DPYD: variants seen among roughly 807,000 people sequenced by gnomAD.
DPYD encodes dihydropyrimidine dehydrogenase.
DPYD carries 109 observed loss-of-function variants against 116.2 expected under a neutral mutation model. The ratio of observed to expected loss-of-function variants is 0.94; its 90% CI spans 0.80 to 1.10. DPYD has a LOEUF of 1.10. Ranked by LOEUF, DPYD falls within the 50% of genes least tolerant of loss-of-function variation. The pLI is 0.00. For synonymous variants in DPYD, 440 were observed against 432.0 expected, an observed-to-expected ratio of 1.02 and a Z score of -0.23; for missense variants, 1,302 against 1,254.5, an observed-to-expected ratio of 1.04 and a Z score of -0.57.
chr1:97,539,833 T>A (rs1363874628), intron 12 of DPYD, among the ~76,000 whole-genome samples: 2 of 152,150 alleles, frequency 1.3e-5, no homozygotes, highest in Non-Finnish European at 2.9e-5. Flanking sequence ...TTGTGTTCTA[T>A]CTCCAAGTTT....
At chr1:97,695,649 T>C (rs1557888714) in intron 6 of DPYD, among the ~76,000 whole-genome samples, 1 of 151,658 alleles carries the variant, frequency 6.6e-6, no homozygotes, top group Non-Finnish European at 1.5e-5. Context: ...AAAATACAGG[T>C]AGGTATCAGG....
In DPYD at chr1:97,920,829, G is replaced by A. The variant is rs1180147840; in HGVS notation, c.39+55C>T. 6 of 1,561,480 alleles carry A rather than the reference G, an allele frequency of 3.8e-6. No homozygotes were observed. The East Asian group carries it at 1.5e-4, about 38-fold the overall frequency. On this transcript the variant is annotated intron_variant, in intron 1 of 22. Transcript: ENST00000370192. ...GCGGGGGCCTCCCCGGCACCTACCCGCAGAGCACTCCCCACCACCCCGCCA... is the reference window on the plus strand; with the variant it reads ...GCGGGGGCCTCCCCGGCACCTACCCACAGAGCACTCCCCACCACCCCGCCA...
chr1:97,863,742 G>C (rs1218950292), intron 2 of DPYD, among the ~76,000 whole-genome samples: 5 of 151,644 alleles, frequency 3.3e-5, no homozygotes, highest in Admixed American at 6.6e-5. Flanking sequence ...TAATATTGGA[G>C]AGCAACCAAT....
At chr1:97,579,377 T>C (rs1200627891) in intron 10 of DPYD, among the ~76,000 whole-genome samples, 1 of 152,204 alleles carries the variant, frequency 6.6e-6, no homozygotes, top group Non-Finnish European at 1.5e-5. Context: ...TGAATGGCTA[T>C]TAAACATCCA....
At chr1:97,470,381 G>T (rs1295876907) in intron 13 of DPYD, among the ~76,000 whole-genome samples, 1 of 151,854 alleles carries the variant, frequency 6.6e-6, no homozygotes, top group Admixed American at 6.6e-5. Context: ...AGTGTATTTA[G>T]TTTGGATAAG....
chr1:97,101,373 G>A (rs1333971772), intron 20 of DPYD, among the ~76,000 whole-genome samples: 16 of 136,782 alleles, frequency 1.2e-4, no homozygotes, highest in African/African-American at 3.6e-4. Context: ...AAAGTTTTCC[G>A]AAAACAAAAA....
intron 3 of DPYD, among the ~76,000 whole-genome samples, chr1:97,769,327 C>G (rs974933655): frequency 6.6e-6 from 1 of 152,072 alleles, no homozygotes; most frequent in Admixed American, 6.6e-5. Flanking sequence ...AAGGTGGTAA[C>G]AGGCTTCTTC....
chr1:97,799,462 GA>G (rs138618486), intron 3 of DPYD, among the ~76,000 whole-genome samples: 8 of 150,096 alleles, frequency 5.3e-5, no homozygotes, highest in East Asian at 1.9e-4. Flanking sequence ...CTTTCATCCT[GA>G]AAAAAAAATC....
intron 8 of DPYD, among the ~76,000 whole-genome samples, chr1:97,625,253 A>G (rs973596737): frequency 6.6e-6 from 1 of 152,068 alleles, no homozygotes; most frequent in African/African-American, 2.4e-5. Flanking sequence ...AATTTATAAT[A>G]AACTTTTATA....
At chr1:97,552,791 T>G (rs1195629030) in intron 11 of DPYD, among the ~76,000 whole-genome samples, 1 of 152,020 alleles carries the variant, frequency 6.6e-6, no homozygotes, top group Non-Finnish European at 1.5e-5. Context: ...CATCTCAGTC[T>G]CCTTTTGAAA....
At chr1:97,574,922 C>T (rs1408789595) in intron 10 of DPYD, among the ~76,000 whole-genome samples, 2 of 152,044 alleles carry the variant, frequency 1.3e-5, no homozygotes, top group African/African-American at 4.8e-5. Flanking sequence ...AGGCTTCAAA[C>T]TAAGAGTTAT....
intron 16 of DPYD, among the ~76,000 whole-genome samples, chr1:97,341,029 G>C (rs1012432471): frequency 6.6e-6 from 1 of 152,122 alleles, no homozygotes; most frequent in Non-Finnish European, 1.5e-5. Context: ...TATATTTGCA[G>C]GAAAGTGACA....
At chr1:97,803,371 C>T (rs988025390) in intron 3 of DPYD, among the ~76,000 whole-genome samples, 1 of 151,862 alleles carries the variant, frequency 6.6e-6, no homozygotes, top group African/African-American at 2.4e-5. Context: ...GTTTCATGCT[C>T]TTCCTTTACA....
At chr1:97,221,131 C>G (rs1367519937) in intron 19 of DPYD, among the ~76,000 whole-genome samples, 2 of 152,118 alleles carry the variant, frequency 1.3e-5, no homozygotes, top group African/African-American at 2.4e-5. Context: ...ACAAATATCT[C>G]ACTTATAAAA....
At chr1:97,159,525 AC>A (rs1389532175) in intron 20 of DPYD, among the ~76,000 whole-genome samples, 8 of 152,138 alleles carry the variant, frequency 5.3e-5, no homozygotes, top group African/African-American at 1.9e-4. Flanking sequence ...AGAAATAATG[AC>A]TAAATATTTC....
At chr1:97,360,755 A>G (rs1670677804) in intron 16 of DPYD, among the ~76,000 whole-genome samples, 2 of 152,216 alleles carry the variant, frequency 1.3e-5, no homozygotes, top group Non-Finnish European at 2.9e-5. Context: ...TTTGAAACCA[A>G]TGAGAACAAA....
chr1:97,800,045 C>A (rs1186911383), intron 3 of DPYD, among the ~76,000 whole-genome samples: 1 of 151,888 alleles, frequency 6.6e-6, no homozygotes, highest in Admixed American at 6.6e-5. Context: ...TAGAAACATT[C>A]AAATTCCATA....
At chr1:97,148,937 G>C (rs1003581640) in intron 20 of DPYD, among the ~76,000 whole-genome samples, 7 of 152,250 alleles carry the variant, frequency 4.6e-5, no homozygotes, top group South Asian at 4.2e-4. Flanking sequence ...ATCACTCTAA[G>C]TTTACAACAG....
chr1:97,199,283 A>G (rs1659038385), intron 19 of DPYD, among the ~76,000 whole-genome samples: 1 of 152,110 alleles, frequency 6.6e-6, no homozygotes, highest in South Asian at 2.1e-4. Flanking sequence ...CTTAAAGTCA[A>G]TCTTGTGGTT....
Sources: gnomAD v4.1 joint callset for allele counts (sites outside exome capture counted in the v4.1 genomes callset) on GRCh38, gnomAD v4.1.1 for gene constraint, MANE v1.5 for transcripts, NCBI Gene and HGNC (gene_info 2026-07-23, HGNC 2026-07-21) for gene names.